Variants in FRMD4B observed in about 807,000 individuals in gnomAD.
The protein encoded by FRMD4B is FERM domain-containing protein 4B.
Under a neutral mutation model 141.5 loss-of-function variants are expected in FRMD4B, and 74 were observed. The ratio of observed to expected loss-of-function variants is 0.52; its 90% confidence interval spans 0.43 to 0.63. FRMD4B has a LOEUF of 0.63. Among genes scored for constraint, FRMD4B ranks in the 30% least tolerant of loss-of-function variants. FRMD4B has a pLI of 0.00. For missense variants in FRMD4B, 1,366 were observed against 1,253.4 expected, an observed-to-expected ratio of 1.09 and a Z score of -1.36; for synonymous variants, 506 against 467.9, an observed-to-expected ratio of 1.08 and a Z score of -1.05.
chr3:69,176,074 C>A (rs2092642378), intron 22 of FRMD4B, among the ~76,000 whole-genome samples: 1 of 152,128 alleles, frequency 6.6e-6, no homozygotes. Flanking sequence ...GCCACCGTGC[C>A]CGGCAGCAAA....
At chr3:69,393,025 C>G (rs1227030673) in intron 2 of FRMD4B, among the ~76,000 whole-genome samples, 1 of 152,040 alleles carries the variant, frequency 6.6e-6, no homozygotes, top group Non-Finnish European at 1.5e-5. Context: ...AGCCATTGTC[C>G]CCCTCATAGT....
chr3:69,223,554 C>A (rs1038139501), intron 8 of FRMD4B, among the ~76,000 whole-genome samples: 1 of 151,934 alleles, frequency 6.6e-6, no homozygotes, highest in African/African-American at 2.4e-5. Context: ...AACTATCGCG[C>A]TTGGTCGGGC....
rs1181965474 is a variant in FRMD4B, at chr3:69,317,968, ATTCTGC to A, written c.163-4457_163-4452del. ...TCCCTCTCTTAAGCTAAGAGGGAGG[ATTCTGC>A]TTTATTTATTTATTTTTGAGATAGT... On this transcript the variant is annotated intron_variant, in intron 1 of 22. Coordinates refer to ENST00000398540, the MANE Select transcript of FRMD4B (RefSeq NM_015123.3). Among the ~76,000 whole-genome samples the A allele has an allele frequency of 2.7e-5, 4 of 150,852 alleles. 1 individual carries two copies. In the East Asian group the frequency reaches 5.8e-4, roughly 22 times the overall value.
At chr3:69,460,424 C>T (rs1705692325) in intron 1 of FRMD4B, among the ~76,000 whole-genome samples, 1 of 152,114 alleles carries the variant, frequency 6.6e-6, no homozygotes, top group South Asian at 2.1e-4. Context: ...AGTCTTGTCT[C>T]GGCTTAGCAA....
At chr3:69,497,611 G>C (rs1189285628) in intron 1 of FRMD4B, among the ~76,000 whole-genome samples, 1 of 152,098 alleles carries the variant, frequency 6.6e-6, no homozygotes, top group African/African-American at 2.4e-5. Context: ...CTTCCCCATG[G>C]GATTTTTGTG....
intron 1 of FRMD4B, among the ~76,000 whole-genome samples, chr3:69,522,981 G>T (rs1700875087): frequency 6.6e-6 from 1 of 152,066 alleles, no homozygotes; most frequent in Non-Finnish European, 1.5e-5. Context: ...TTTTTCTAAG[G>T]CCTTTTCTAA....
At chr3:69,478,642 G>T (rs1448536866) in intron 1 of FRMD4B, among the ~76,000 whole-genome samples, 1 of 152,158 alleles carries the variant, frequency 6.6e-6, no homozygotes, top group African/African-American at 2.4e-5. Flanking sequence ...GTCAATTTAG[G>T]AATAGGTGTG....
At chr3:69,480,811 A>C (rs991787023) in intron 1 of FRMD4B, among the ~76,000 whole-genome samples, 7 of 152,198 alleles carry the variant, frequency 4.6e-5, no homozygotes, top group African/African-American at 1.7e-4. Flanking sequence ...CTGCCCCCAG[A>C]GGTGGAGCCT....
intron 1 of FRMD4B, among the ~76,000 whole-genome samples, chr3:69,335,409 G>A (rs56052332): frequency 0.11 from 13,946 of 124,448 alleles, 756 homozygotes; most frequent in South Asian, 0.2. Flanking sequence ...GTCTTGATCT[G>A]TTGCCCAGGC....
chr3:69,393,722 A>C (rs1467899527), intron 2 of FRMD4B, among the ~76,000 whole-genome samples: 1 of 152,230 alleles, frequency 6.6e-6, no homozygotes, highest in Non-Finnish European at 1.5e-5. Flanking sequence ...ATGACAACAA[A>C]AAAAGTCATA....
rs558140219 is a variant in FRMD4B, at chr3:69,230,489, T to C, written c.582-5799A>G. On this transcript the variant is annotated intron_variant, in intron 7 of 22. Transcript: ENST00000398540. ...GACCAGGCGTGGTGGCTCACACCTG[T>C]AATTCCAGCATTTTGGGAGGCTCAG... Among the ~76,000 whole-genome samples the C allele has an allele frequency of 3.3e-4, 50 of 152,106 alleles. No homozygotes were observed. In the East Asian group the frequency reaches 9.5e-3, roughly 29 times the overall value.
In FRMD4B at chr3:69,305,839, G is replaced by T. The variant is rs553125033; in HGVS notation, c.324-3404C>A. Among the ~76,000 whole-genome samples the T allele has an allele frequency of 4.6e-5, 7 of 152,320 alleles. No individual in the cohort carries two copies. In the East Asian group the frequency reaches 1.3e-3, roughly 29 times the overall value. On this transcript the variant is annotated intron_variant, in intron 3 of 22. Transcript: ENST00000398540. ...AATGAATGAAGCAAGTTGTACAATA[G>T]CATATACAGCATAAACCAATTATGT...
intron 1 of FRMD4B, among the ~76,000 whole-genome samples, chr3:69,499,343 A>G (rs944853477): frequency 6.6e-6 from 1 of 152,270 alleles, no homozygotes; most frequent in Non-Finnish European, 1.5e-5. Context: ...TGGACAGTGG[A>G]TTAGGTAGAA....
intron 4 of FRMD4B, among the ~76,000 whole-genome samples, chr3:69,293,514 G>A (rs1034340413): frequency 2.0e-5 from 3 of 151,430 alleles, no homozygotes; most frequent in Admixed American, 6.6e-5. Flanking sequence ...TCTCTCTACC[G>A]ATGTGACTGT....
intron 1 of FRMD4B, among the ~76,000 whole-genome samples, chr3:69,455,964 C>G (rs1429836157): frequency 6.6e-6 from 1 of 152,162 alleles, no homozygotes; most frequent in African/African-American, 2.4e-5. Flanking sequence ...ATCAGAACCA[C>G]TTGCCATCAG....
intron 1 of FRMD4B, chr3:69,334,056 G>C (rs976960058): frequency 3.3e-5 from 5 of 152,190 alleles, no homozygotes; most frequent in African/African-American, 1.2e-4. Flanking sequence ...AGTGTCTAGA[G>C]TGTGCTGGCC....
At chr3:69,489,369 A>T (rs1706268844) in intron 1 of FRMD4B, among the ~76,000 whole-genome samples, 1 of 133,656 alleles carries the variant, frequency 7.5e-6, no homozygotes, top group African/African-American at 2.7e-5. Flanking sequence ...TATAAATGAG[A>T]TATATGTATA....
At chr3:69,423,460 T>C (rs1413174643) in intron 2 of FRMD4B, among the ~76,000 whole-genome samples, 1 of 152,204 alleles carries the variant, frequency 6.6e-6, no homozygotes. Flanking sequence ...CACACGTCCC[T>C]TTCAGAGTCT....
intron 5 of FRMD4B, among the ~76,000 whole-genome samples, chr3:69,280,768 T>G (rs530859253): frequency 5.3e-5 from 8 of 150,922 alleles, no homozygotes; most frequent in Admixed American, 5.3e-4. Flanking sequence ...CATAGGTACA[T>G]GTCACCAAGC....
Sources: allele counts gnomAD v4.1 joint callset (sites outside exome capture counted in the v4.1 genomes callset), GRCh38; gene constraint gnomAD v4.1.1; transcripts MANE v1.5; gene names NCBI Gene and HGNC (gene_info 2026-07-23, HGNC 2026-07-21).